Variants in CA4 observed in about 807,000 individuals in gnomAD.
CA4 encodes CA-IV.
In CA4, 24 loss-of-function variants were observed where a neutral mutation model predicts 34.5. The observed-to-expected ratio is 0.70, with a 90% CI of 0.50 to 0.98. The LOEUF (loss-of-function observed/expected upper bound fraction) is 0.98, where lower values mean the gene tolerates loss of function less well. CA4 is among the 50% of genes least tolerant of loss of function. The probability of loss-of-function intolerance (pLI) is 0.00; values close to 1 mark genes in which losing one functional copy is unlikely to be tolerated. For synonymous variants in CA4, 178 were observed against 170.6 expected (o/e 1.04, Z -0.34); for missense variants, 394 against 396.7 (o/e 0.99, Z 0.06).
At chr17:60,151,173 C>T (rs1290913836) in intron 1 of CA4, among the ~76,000 whole-genome samples, 1 of 152,126 alleles carries the variant, frequency 6.6e-6, no homozygotes, top group African/African-American at 2.4e-5. Context: ...CGGAAGACCC[C>T]CTCTGCCAGT....
intron 2 of CA4, among the ~76,000 whole-genome samples, 172 bp downstream of exon 2, chr17:60,155,539 TCACACA>T (rs150431420): frequency 2.0e-4 from 29 of 141,692 alleles, no homozygotes; most frequent in African/African-American, 4.8e-4. Context: ...TCTCTCTCTC[TCACACA>T]CACACACACA....
chr17:60,162,701 T>C (rs1245390669), downstream of CA4, among the ~76,000 whole-genome samples: 1 of 152,120 alleles, frequency 6.6e-6, no homozygotes, highest in Non-Finnish European at 1.5e-5. Context: ...CAGCACAGCA[T>C]AAAGCACATT....
chr17:60,177,819 A>T, the CA4 span, among the ~76,000 whole-genome samples: 1 of 152,242 alleles, frequency 6.6e-6, no homozygotes, highest in African/African-American at 2.4e-5. Context: ...ACAAATACTT[A>T]GTTACATTGG....
chr17:60,162,546 T>G (rs1598001679), downstream of CA4, among the ~76,000 whole-genome samples: 1 of 132,140 alleles, frequency 7.6e-6, no homozygotes, highest in Non-Finnish European at 1.6e-5. Flanking sequence ...CTGCATGGGG[T>G]ACACACACAC....
In CA4 at chr17:60,157,485, C is replaced by A. The variant is rs1252371769; in HGVS notation, c.327C>A (p.Tyr109Ter). The change falls in exon 4 of 8, where the codon TAC (tyrosine) becomes TAA (stop). Residue 109 changes from tyrosine to a stop codon, truncating the protein, a stop_gained. Coordinates refer to ENST00000300900, the MANE Select transcript of CA4 (RefSeq NM_000717.5). LOFTEE classifies it high-confidence loss of function. ...SISGGGLPAP[Y>*]QAKQLHLHWS... is the part of the protein sequence containing the mutation. ...CTGGAGGAGGACTGCCTGCCCCATA[C>A]CAGGCCAAACAGTTGCACCTGCACT... is the stretch of plus-strand genomic sequence containing the variant. 2.5e-6 allele frequency: 4 copies of A among 1,614,130 alleles called. 1 individual carries two copies. The South Asian group carries it at 4.4e-5, about 18-fold the overall frequency.
intron 5 of CA4, among the ~76,000 whole-genome samples, chr17:60,167,722 A>T (rs1391768829): frequency 6.6e-6 from 1 of 152,184 alleles, no homozygotes; most frequent in Non-Finnish European, 1.5e-5. Context: ...CGGTTTCCAC[A>T]TGTGGGATCT....
At chr17:60,161,226 AG>A (rs1448224606), downstream of CA4, among the ~76,000 whole-genome samples, 4 of 151,634 alleles carry the variant, frequency 2.6e-5, no homozygotes, top group Non-Finnish European at 5.9e-5. Flanking sequence ...GACTGGGAGG[AG>A]GCTGGTGAGA....
chr17:60,157,926 C>A, intron 5 of CA4, 135 bp from the exon 6 acceptor site: 2 of 1,547,780 alleles, frequency 1.3e-6, no homozygotes, highest in South Asian at 1.2e-5. Flanking sequence ...GGTTGCATGT[C>A]CCCGGGCCAG....
chr17:60,158,506 CT>C (rs1359664417), intron 7 of CA4, 60 bp downstream of exon 7: 1 of 1,558,218 alleles, frequency 6.4e-7, no homozygotes, highest in African/African-American at 1.4e-5. Flanking sequence ...GAAATTATCC[CT>C]CTGTCTGCCC....
Position 60,156,708 on chromosome 17 carries a change from G to A in CA4, c.261G>A (p.Gly87=), listed in dbSNP as rs761660971. 6.2e-7 allele frequency: 1 copy of A among 1,614,078 alleles called. No homozygotes were observed. Among genetic ancestry groups the A allele is most frequent in the South Asian group, 1.1e-5 (1 of 91,084 alleles). ...AAACGTGGACTGTCCAAAATAACGG[G>A]CACTCAGGTGGGCTGGATGGAGGCC... ...KKQTWTVQNN[G]HSVMMLLENK... Residue 87 remains glycine (G), a synonymous_variant, in exon 3 of 8, where the codon GGG becomes GGA. Coordinates refer to ENST00000300900, the MANE Select transcript of CA4 (RefSeq NM_000717.5).
chr17:60,156,517 T>C, intron 2 of CA4, 43 bp from the exon 3 acceptor site: 1 of 1,609,342 alleles, frequency 6.2e-7, no homozygotes, highest in South Asian at 1.1e-5. Flanking sequence ...TACACCTTGG[T>C]GCCAGGCACC....
In CA4 at chr17:60,158,283, A is replaced by T. The variant is rs765355322; in HGVS notation, c.581A>T (p.Glu194Val). The change falls in exon 7 of 8, where the codon GAG becomes GTG. Residue 194 changes from glutamate (E) to valine (V), a missense_variant and splice_region_variant. Coordinates refer to ENST00000300900, the MANE Select transcript of CA4 (RefSeq NM_000717.5). ...VEALSNIPKP[E>V]MSTTMAESSL... ...ACAGTGTCCTCTGCCCCTATCTCAG[A>T]GATGAGCACTACGATGGCAGAGAGC... 1 of 1,614,068 alleles carries T rather than the reference A, an allele frequency of 6.2e-7. No individual in the cohort carries two copies. Among genetic ancestry groups the T allele is most frequent in the East Asian group, 2.2e-5 (1 of 44,872 alleles).
chr17:60,169,822 T>C (rs1173450821), intron 5 of CA4, among the ~76,000 whole-genome samples: 1 of 152,240 alleles, frequency 6.6e-6, no homozygotes, highest in African/African-American at 2.4e-5. Context: ...CTATGGAGTT[T>C]GAATTTTCCT....
chr17:60,173,759 A>G (rs1567739468), downstream of CA4, among the ~76,000 whole-genome samples: 1 of 152,234 alleles, frequency 6.6e-6, no homozygotes, highest in Non-Finnish European at 1.5e-5. Flanking sequence ...TAGAATGCAG[A>G]TTCTTGGACT....
intron 2 of CA4, 137 bp downstream of exon 2, chr17:60,155,504 C>CAT (rs2083663385): frequency 4.8e-6 from 3 of 619,524 alleles, no homozygotes; most frequent in Admixed American, 2.1e-5. Flanking sequence ...AGCATACACA[C>CAT]ACACACACAC....
At chr17:60,175,488 G>A (rs917399385), downstream of CA4, among the ~76,000 whole-genome samples, 4 of 150,722 alleles carry the variant, frequency 2.7e-5, no homozygotes, top group Non-Finnish European at 5.9e-5. Context: ...AGGATTGCTT[G>A]AGCCTGGGAG....
chr17:60,153,727 G>A (rs769528788), intron 1 of CA4, among the ~76,000 whole-genome samples: 4 of 152,176 alleles, frequency 2.6e-5, no homozygotes, highest in African/African-American at 4.8e-5. Context: ...TGGAGGCTTC[G>A]GAGCTCTGCC....
At chr17:60,156,109 C>T (rs1371450290) in intron 2 of CA4, among the ~76,000 whole-genome samples, 2 of 151,926 alleles carry the variant, frequency 1.3e-5, no homozygotes, top group African/African-American at 4.8e-5. Context: ...TCATCAGCAG[C>T]CCCCCCGGGG....
intron 5 of CA4, among the ~76,000 whole-genome samples, chr17:60,169,259 A>T (rs1469454287): frequency 6.7e-6 from 1 of 150,148 alleles, no homozygotes; most frequent in East Asian, 1.9e-4. Flanking sequence ...TCAAAAAAAA[A>T]AAAAGCAGCA....
Sources: allele counts gnomAD v4.1 joint callset (sites outside exome capture counted in the v4.1 genomes callset), GRCh38; gene constraint gnomAD v4.1.1; transcripts MANE v1.5; gene names NCBI Gene and HGNC (gene_info 2026-07-23, HGNC 2026-07-21).